The following ANO2 variants were observed in gnomAD, a reference collection of about 807,000 sequenced individuals.
The protein encoded by ANO2 is anoctamin-2.
ANO2 carries 101 observed loss-of-function variants against 124.2 expected under a neutral mutation model. The observed-to-expected ratio is 0.81, with a 90% CI of 0.69 to 0.96. ANO2 has a LOEUF of 0.96. Among genes scored for constraint, ANO2 ranks in the 40% least tolerant of loss-of-function variants. The pLI is 0.00. For synonymous variants in ANO2, 486 were observed against 482.5 expected (o/e 1.01, Z -0.09); for missense variants, 1,293 against 1,274.5 (o/e 1.01, Z -0.22).
At chr12:5,697,624 G>A (rs1051423448) in intron 14 of ANO2, among the ~76,000 whole-genome samples, 2 of 152,154 alleles carry the variant, frequency 1.3e-5, no homozygotes, top group Admixed American at 6.5e-5. Context: ...AGTGGGTGCA[G>A]CGCACCAAGC....
rs184124825 is a variant in ANO2 at position 5,753,651 on chromosome 12, T to C, written c.1056-2681A>G. Among the ~76,000 whole-genome samples the C allele has an allele frequency of 4.9e-4, 74 of 152,296 alleles. 1 individual carries two copies. The South Asian group carries it at 7.5e-3, about 15-fold the overall frequency. On this transcript the variant is annotated intron_variant, in intron 10 of 24. Coordinates refer to ENST00000682330, the MANE Select transcript of ANO2 (RefSeq NM_001364791.2). ...TTCCTAGGTATTTTATTCTTTTTGG[T>C]GCTATTGTGAATGGTACTTTTCTTC... is the stretch of plus-strand genomic sequence containing the variant.
At chr12:5,720,412 T>C (rs890574627) in intron 14 of ANO2, among the ~76,000 whole-genome samples, 2 of 152,170 alleles carry the variant, frequency 1.3e-5, no homozygotes, top group Non-Finnish European at 2.9e-5. Context: ...ATGTGTGTGT[T>C]TCCAGTGAAT....
intron 17 of ANO2, among the ~76,000 whole-genome samples, chr12:5,614,981 G>T (rs1944726756): frequency 6.6e-6 from 1 of 152,162 alleles, no homozygotes; most frequent in Non-Finnish European, 1.5e-5. Flanking sequence ...CCTGTAAAGT[G>T]CCAGGGTCAT....
chr12:5,666,510 T>A (rs1947725958), intron 14 of ANO2, among the ~76,000 whole-genome samples: 1 of 152,186 alleles, frequency 6.6e-6, no homozygotes, highest in South Asian at 2.1e-4. Context: ...CACAGCGACC[T>A]GAGCTCTGCC....
rs1296028101 is a variant in ANO2, at chr12:5,769,487, G to A, written c.1056-18517C>T. Among the ~76,000 whole-genome samples, 1 of 152,176 alleles carries A rather than the reference G, an allele frequency of 6.6e-6. No homozygotes were observed. The highest frequency in any genetic ancestry group is 1.5e-5 in the Non-Finnish European group (1 of 68,034). The stretch of plus-strand genomic sequence containing the variant: ...TAAGTAAGGCATACAAGAGATGAGA[G>A]CTAGGAAAGTAAATTACAGCAAGAA... On this transcript the variant is annotated intron_variant, in intron 10 of 24. Transcript: ENST00000682330. The surrounding 1 kb of genome is among the most constrained non-coding windows in gnomAD (Gnocchi z 4.0).
intron 16 of ANO2, among the ~76,000 whole-genome samples, chr12:5,624,663 G>A (rs1258414876): frequency 6.6e-6 from 1 of 152,120 alleles, no homozygotes; most frequent in African/African-American, 2.4e-5. Context: ...CATGTGCCTG[G>A]TGTTGGGCCC....
At chr12:5,750,493 A>G (rs905702301) in intron 11 of ANO2, among the ~76,000 whole-genome samples, 1 of 152,232 alleles carries the variant, frequency 6.6e-6, no homozygotes, top group Non-Finnish European at 1.5e-5. Context: ...AACCAGAGGT[A>G]AAAGAAGTGA....
At chr12:5,826,111 T>C (rs944515865) in intron 7 of ANO2, among the ~76,000 whole-genome samples, 4 of 152,222 alleles carry the variant, frequency 2.6e-5, no homozygotes, top group Non-Finnish European at 4.4e-5. Context: ...GACATAAGAT[T>C]TATTGACCTC....
At chr12:5,784,360 C>A (rs903748865) in intron 10 of ANO2, among the ~76,000 whole-genome samples, 1 of 152,216 alleles carries the variant, frequency 6.6e-6, no homozygotes, top group African/African-American at 2.4e-5. Flanking sequence ...CCTTTTCCAA[C>A]TTGACTATAA....
At chr12:5,859,325 C>G (rs1955196611) in intron 3 of ANO2, among the ~76,000 whole-genome samples, 2 of 152,180 alleles carry the variant, frequency 1.3e-5, no homozygotes, top group South Asian at 4.1e-4. Context: ...AAATATATAA[C>G]AGAGCAGGAA....
chr12:5,689,936 A>G (rs762065952), intron 14 of ANO2, among the ~76,000 whole-genome samples: 34 of 152,322 alleles, frequency 2.2e-4, no homozygotes, highest in Non-Finnish European at 3.8e-4. Flanking sequence ...AGATGCTGAC[A>G]TAAGACAAAC....
chr12:5,609,389 T>C (rs1179191973), intron 19 of ANO2, among the ~76,000 whole-genome samples: 1 of 152,076 alleles, frequency 6.6e-6, no homozygotes, highest in Non-Finnish European at 1.5e-5. Flanking sequence ...TCTGAGGTTG[T>C]CCCAGTACAA....
Position 5,890,561 on chromosome 12 carries a change from T to C in ANO2, c.534+30479A>G, listed in dbSNP as rs551246031. 7.9e-5 allele frequency among the ~76,000 whole-genome samples: 12 copies of C among 152,294 alleles called. No individual in the cohort carries two copies. In the South Asian group the frequency reaches 2.5e-3, roughly 32 times the overall value. ...CTTGCCAAGCCCTGTGTTAGGAACT[T>C]AGAGATTGAAAAAGATGCAGTCCCC... On this transcript the variant is annotated intron_variant, in intron 3 of 24. Transcript: ENST00000682330.
chr12:5,840,765 G>A (rs1954488898), intron 4 of ANO2, among the ~76,000 whole-genome samples: 1 of 152,160 alleles, frequency 6.6e-6, no homozygotes, highest in Admixed American at 6.5e-5. Flanking sequence ...CACACGTGTT[G>A]ACAGAAATTA....
At chr12:5,872,983 T>G (rs1190687549) in intron 3 of ANO2, among the ~76,000 whole-genome samples, 1 of 152,180 alleles carries the variant, frequency 6.6e-6, no homozygotes, top group Non-Finnish European at 1.5e-5. Flanking sequence ...TATGTTAGTT[T>G]CCTTCAGCAA....
intron 1 of ANO2, among the ~76,000 whole-genome samples, chr12:5,939,855 G>A (rs926622942): frequency 6.6e-6 from 1 of 152,192 alleles, no homozygotes; most frequent in Non-Finnish European, 1.5e-5. Context: ...AGGAAGAAGA[G>A]GAGAACATGG....
At chr12:5,843,524 T>C (rs1236799572) in intron 4 of ANO2, among the ~76,000 whole-genome samples, 1 of 151,860 alleles carries the variant, frequency 6.6e-6, no homozygotes, top group Non-Finnish European at 1.5e-5. Flanking sequence ...CACTCCAGCC[T>C]GGGTGACAGA....
In ANO2 at chr12:5,827,861, C is replaced by T. The variant is rs754898769; in HGVS notation, c.841-41G>A. The stretch of plus-strand genomic sequence containing the variant: ...AGCAGAGCTGTGAGCTCCTAGTTCC[C>T]CCCCGCCCTCCACCGTGTGTCACCC... On this transcript the variant is annotated intron_variant, in intron 6 of 24. Coordinates refer to ENST00000682330, the MANE Select transcript of ANO2 (RefSeq NM_001364791.2). The T allele has an allele frequency of 1.1e-5, 17 of 1,584,636 alleles. No individual in the cohort carries two copies. In the East Asian group the frequency reaches 3.5e-4, roughly 32 times the overall value.
intron 16 of ANO2, among the ~76,000 whole-genome samples, chr12:5,619,277 C>T (rs1944989982): frequency 6.6e-6 from 1 of 152,154 alleles, no homozygotes; most frequent in Admixed American, 6.5e-5. Context: ...CCGCATAATG[C>T]ATTGTTTAGG....
Sources: allele counts gnomAD v4.1 joint callset (sites outside exome capture counted in the v4.1 genomes callset), GRCh38; gene constraint gnomAD v4.1.1; non-coding constraint Gnocchi (gnomAD v3.1); transcripts MANE v1.5; gene names NCBI Gene and HGNC (gene_info 2026-07-23, HGNC 2026-07-21).